RSRP1: variants seen among roughly 807,000 people sequenced by gnomAD.
RSRP1 encodes the protein arginine and serine rich protein 1, also known as arginine/serine-rich protein 1.
Under a neutral mutation model 33.0 loss-of-function variants are expected in RSRP1, and 37 were observed. The ratio of observed to expected loss-of-function variants is 1.12; its 90% CI spans 0.86 to 1.48. The LOEUF is 1.48. Ranked by LOEUF, RSRP1 falls within the 40% of genes most tolerant of loss-of-function variation. The pLI, the probability that RSRP1 is intolerant of heterozygous loss-of-function variation, is 0.00. For missense variants in RSRP1, 402 were observed against 385.3 expected (o/e 1.04, Z -0.36); for synonymous variants, 167 against 158.7 (o/e 1.05, Z -0.40).
intron 1 of RSRP1, among the ~76,000 whole-genome samples, chr1:25,284,077 A>G (rs1641739608): frequency 2.2e-5 from 3 of 135,364 alleles, no homozygotes; most frequent in East Asian, 1.9e-4. Flanking sequence ...GTGGTTCCCA[A>G]CAACAAGAGC....
rs1201933352 is a variant in RSRP1, at chr1:25,273,034, T to C, written c.-66-26005A>G. Among the ~76,000 whole-genome samples, 5 of 132,368 alleles carry C rather than the reference T, an allele frequency of 3.8e-5. 2 individuals are homozygous for C. The highest frequency in any genetic ancestry group is 4.6e-4 in the South Asian group (2 of 4,310). The allele number at this position is 132,368 out of a possible 152,430, so 86.8% of individuals were successfully genotyped here. On this transcript the variant is annotated intron_variant, in intron 1 of 1. Coordinates refer to the RSRP1 transcript ENST00000561867. ...TCTCTCCTCAGTGGCAAGGAATTTT[T>C]TTATTTTTATAGATTTAGGGGATAC...
In RSRP1 at chr1:25,299,129, C is replaced by A. The variant is rs1251058581; in HGVS notation, c.-67+38849G>T. ...GGGAGCAGTGGCTCATGCCTGTAAT[C>A]CCAGCGCTTTGGGAGGCCAAGGCGG... On this transcript the variant is annotated intron_variant, in intron 1 of 1. Coordinates refer to the RSRP1 transcript ENST00000561867. 1.6e-5 allele frequency among the ~76,000 whole-genome samples: 2 copies of A among 124,024 alleles called. 1 individual carries two copies. The highest frequency in any genetic ancestry group is 5.5e-5 in the African/African-American group (2 of 36,184). The allele number at this position is 124,024 out of a possible 152,430, so 81.4% of individuals were successfully genotyped here.
At chr1:25,304,701 A>T (rs1643661304) in intron 1 of RSRP1, 1 of 132,308 alleles carries the variant, frequency 7.6e-6, no homozygotes, top group South Asian at 2.3e-4. Flanking sequence ...GGAGGTAATT[A>T]AAAAATAAAA....
Position 25,308,979 on chromosome 1 carries a change from T to A in RSRP1, c.-67+28999A>T, listed in dbSNP as rs1215922676. On this transcript the variant is annotated intron_variant, in intron 1 of 1. Coordinates refer to the RSRP1 transcript ENST00000561867. The stretch of plus-strand genomic sequence containing the variant: ...GATTTAGCAACAGAACATAGCCCCG[T>A]TCTTTATGATGACTGATGCTGCATC... Among the ~76,000 whole-genome samples, 2 of 131,696 alleles carry A rather than the reference T, an allele frequency of 1.5e-5. 1 individual carries two copies. The highest frequency in any genetic ancestry group is 5.3e-5 in the African/African-American group (2 of 37,986). 86.4% of individuals were successfully genotyped at this position (131,696 alleles called of 152,430 possible).
At chr1:25,244,807 C>G (rs1429950853) in intron 3 of RSRP1, 1 of 968,068 alleles carries the variant, frequency 1.0e-6, no homozygotes, top group African/African-American at 1.7e-5. Context: ...CCTCAGCCTC[C>G]CAAACAGCTG....
Sources: allele counts gnomAD v4.1 joint callset (sites outside exome capture counted in the v4.1 genomes callset), GRCh38; gene constraint gnomAD v4.1.1; transcripts MANE v1.5; gene names NCBI Gene and HGNC (gene_info 2026-07-23, HGNC 2026-07-21).